The following GIGYF2 variants were observed in gnomAD, a reference collection of about 807,000 sequenced individuals.
GIGYF2 encodes GRB10 interacting GYF protein 2.
Under a neutral mutation model 208.1 loss-of-function variants are expected in GIGYF2, and 25 were observed. That is an observed-to-expected ratio of 0.12 (90% confidence interval 0.09 to 0.17). The LOEUF is 0.17. GIGYF2 is among the 10% of genes least tolerant of loss of function. The pLI, the probability that GIGYF2 is intolerant of heterozygous loss-of-function variation, is 1.00. For synonymous variants in GIGYF2, 534 were observed against 543.8 expected, an observed-to-expected ratio of 0.98 and a Z score of 0.25; for missense variants, 1,302 against 1,579.4, an observed-to-expected ratio of 0.82 and a Z score of 2.98.
At chr2:232,809,340 T>C (rs768456914) in intron 15 of GIGYF2, among the ~76,000 whole-genome samples, 1 of 152,238 alleles carries the variant, frequency 6.6e-6, no homozygotes, top group Non-Finnish European at 1.5e-5. Context: ...GACCTTTAGA[T>C]ACTTTTACAT....
At position 232,730,013 on chromosome 2, in the gene GIGYF2, G is replaced by A. The variant is rs570831828; in HGVS notation, c.-43-5142G>A. 274 of 778,076 alleles carry A rather than the reference G, an allele frequency of 3.5e-4. 2 individuals carry two copies. The East Asian group carries it at 6.3e-3, about 18-fold the overall frequency. The allele number at this position is 778,076 out of a possible 1,614,324, so 48.2% of individuals were successfully genotyped here. Reference sequence around the variant, plus strand: ...CTGGAAGGCTGGCCTTTTCTTTTTCGTAAGACTTGATGTGATTATACCAAC... The same window carrying A: ...CTGGAAGGCTGGCCTTTTCTTTTTCATAAGACTTGATGTGATTATACCAAC... On this transcript the variant is annotated intron_variant, in intron 2 of 28. Coordinates refer to ENST00000373563, the MANE Select transcript of GIGYF2 (RefSeq NM_001103146.3).
chr2:232,773,216 A>C (rs1699343483), intron 8 of GIGYF2, among the ~76,000 whole-genome samples: 1 of 152,092 alleles, frequency 6.6e-6, no homozygotes, highest in African/African-American at 2.4e-5. Flanking sequence ...TTATTTTGTT[A>C]GATTATTTTT....
At chr2:232,711,155 G>T (rs1696377153) in intron 2 of GIGYF2, among the ~76,000 whole-genome samples, 1 of 150,148 alleles carries the variant, frequency 6.7e-6, no homozygotes, top group Non-Finnish European at 1.5e-5. Context: ...AGACTCAAGT[G>T]TGGTGGTGTA....
At chr2:232,854,070 T>C (rs1690458742) in intron 28 of GIGYF2, among the ~76,000 whole-genome samples, 1 of 152,248 alleles carries the variant, frequency 6.6e-6, no homozygotes. Flanking sequence ...TTGCCTTTTA[T>C]CACATTTTAT....
At chr2:232,781,649 T>C (rs1053771769) in intron 8 of GIGYF2, among the ~76,000 whole-genome samples, 3 of 152,184 alleles carry the variant, frequency 2.0e-5, no homozygotes, top group African/African-American at 7.2e-5. Flanking sequence ...TTTTTAGAGA[T>C]GTTGACACTT....
intron 5 of GIGYF2, among the ~76,000 whole-genome samples, chr2:232,755,053 A>G (rs1291523557): frequency 2.6e-5 from 4 of 152,196 alleles, no homozygotes. Flanking sequence ...TGACTTCTTC[A>G]AAAGAAGGTG....
At position 232,771,202 on chromosome 2, in the gene GIGYF2, C is replaced by T. The variant is rs1699230982; in HGVS notation, c.532+9766C>T. On this transcript the variant is annotated intron_variant, in intron 8 of 28. Transcript: ENST00000373563. ...AGCAGAAAAGACCAACATCATCCAA[C>T]GCCAGCGCATGTCCATTAGGATTCC... 2 of 1,613,268 alleles carry T rather than the reference C, an allele frequency of 1.2e-6. No individual in the cohort carries two copies. The highest frequency in any genetic ancestry group is 1.7e-6 in the Non-Finnish European group (2 of 1,179,306).
chr2:232,740,009 T>C (rs1697911760), intron 3 of GIGYF2, among the ~76,000 whole-genome samples: 1 of 151,024 alleles, frequency 6.6e-6, no homozygotes, highest in Non-Finnish European at 1.5e-5. Flanking sequence ...TCTTGGCTAC[T>C]GGGGAGGCTG....
In GIGYF2 at chr2:232,856,957, T is replaced by G. The variant is rs1690602098; in HGVS notation, c.*97T>G. The G allele has an allele frequency of 1.1e-5, 9 of 854,488 alleles. No individual in the cohort carries two copies. In the Admixed American group the frequency reaches 1.5e-4, roughly 15 times the overall value. The allele number at this position is 854,488 out of a possible 1,614,324, so 52.9% of individuals were successfully genotyped here. ...TTACTCACCATTTACTCTTTATCACTCTGCAACAAATCACAGAACCGATCA... is the reference window on the plus strand; with the variant it reads ...TTACTCACCATTTACTCTTTATCACGCTGCAACAAATCACAGAACCGATCA... On this transcript the variant is annotated 3_prime_UTR_variant, in exon 29 of 29. Coordinates refer to ENST00000373563, the MANE Select transcript of GIGYF2 (RefSeq NM_001103146.3).
At chr2:232,716,132 G>A (rs958925060) in intron 2 of GIGYF2, among the ~76,000 whole-genome samples, 2 of 151,982 alleles carry the variant, frequency 1.3e-5, no homozygotes, top group African/African-American at 4.8e-5. Context: ...TTGAGTGAAT[G>A]TGCCACTTTT....
chr2:232,704,929 T>G (rs984686795), intron 2 of GIGYF2, among the ~76,000 whole-genome samples: 1 of 146,300 alleles, frequency 6.8e-6, no homozygotes, highest in African/African-American at 2.5e-5. Flanking sequence ...GCGCGATCTC[T>G]GCTCACTGCA....
rs73102290 is a variant in GIGYF2, at chr2:232,804,386, T to G, written c.1640-2105T>G. ...ATTTACATCTGAGCATCTCAGTTTT[T>G]TTTTTTTTTTTTCAGTGATAGTAAA... On this transcript the variant is annotated intron_variant, in intron 14 of 28. Coordinates refer to ENST00000373563, the MANE Select transcript of GIGYF2 (RefSeq NM_001103146.3). 3.4e-3 allele frequency among the ~76,000 whole-genome samples: 509 copies of G among 151,880 alleles called. 2 individuals are homozygous for G. The highest frequency in any genetic ancestry group is 0.012 in the African/African-American group (485 of 41,460).
intron 3 of GIGYF2, among the ~76,000 whole-genome samples, chr2:232,743,375 C>T (rs1698038965): frequency 6.6e-6 from 1 of 152,102 alleles, no homozygotes; most frequent in African/African-American, 2.4e-5. Context: ...GATTAAATTT[C>T]TAGAAGAGAG....
chr2:232,853,633 A>G (rs181595789), intron 28 of GIGYF2, among the ~76,000 whole-genome samples: 1 of 152,206 alleles, frequency 6.6e-6, no homozygotes, highest in Non-Finnish European at 1.5e-5. Flanking sequence ...CTGCACTCAG[A>G]TGTGATAAAC....
chr2:232,751,528 T>C (rs1698337878), intron 5 of GIGYF2, among the ~76,000 whole-genome samples: 1 of 152,174 alleles, frequency 6.6e-6, no homozygotes, highest in Admixed American at 6.5e-5. Flanking sequence ...CATTATGATT[T>C]TAAATAAAAA....
At position 232,836,303 on chromosome 2, in the gene GIGYF2, TATATATATATATATATATATATATATAC is replaced by T. The variant is rs1701610546; in HGVS notation, c.2766+3220_2766+3247del. On this transcript the variant is annotated intron_variant, in intron 22 of 28. Coordinates refer to ENST00000373563, the MANE Select transcript of GIGYF2 (RefSeq NM_001103146.3). ...ATATATATATATATATATATATATA[TATATATATATATATATATATATATATAC>T]ATATATATACTTATATATTTATATA... Among the ~76,000 whole-genome samples the T allele has an allele frequency of 9.0e-4, 16 of 17,818 alleles. 2 individuals are homozygous for T. Among genetic ancestry groups the T allele is most frequent in the Non-Finnish European group, 1.7e-3 (13 of 7,870 alleles). 11.7% of individuals were successfully genotyped at this position (17,818 alleles called of 152,430 possible).
At chr2:232,708,874 C>T (rs1257740077) in intron 2 of GIGYF2, among the ~76,000 whole-genome samples, 1 of 151,534 alleles carries the variant, frequency 6.6e-6, no homozygotes, top group Non-Finnish European at 1.5e-5. Flanking sequence ...GTAATCCCAG[C>T]ACTTTGGGAA....
chr2:232,718,622 T>C (rs1696804294), intron 2 of GIGYF2, among the ~76,000 whole-genome samples: 1 of 152,232 alleles, frequency 6.6e-6, no homozygotes, highest in African/African-American at 2.4e-5. Context: ...AGGGTAGGCA[T>C]ACAGTTTAGA....
chr2:232,849,884 G>A (rs1321909968), intron 27 of GIGYF2, among the ~76,000 whole-genome samples: 1 of 152,222 alleles, frequency 6.6e-6, no homozygotes, highest in Non-Finnish European at 1.5e-5. Flanking sequence ...AGGGAACAAA[G>A]AGACTTTCTG....
Sources: gnomAD v4.1 joint callset for allele counts (sites outside exome capture counted in the v4.1 genomes callset) on GRCh38, gnomAD v4.1.1 for gene constraint, MANE v1.5 for transcripts, NCBI Gene and HGNC (gene_info 2026-07-23, HGNC 2026-07-21) for gene names.